Variants in SPOPL observed in about 807,000 individuals in gnomAD.
SPOPL encodes speckle-type POZ protein-like.
In SPOPL, 23 loss-of-function variants were observed where a neutral mutation model predicts 53.8. The ratio of observed to expected loss-of-function variants is 0.43; its 90% CI spans 0.31 to 0.61. SPOPL has a LOEUF of 0.61. Ranked by LOEUF, SPOPL falls within the 20% of genes least tolerant of loss-of-function variation. SPOPL has a pLI of 0.12. For synonymous variants in SPOPL, 164 were observed against 149.7 expected, an observed-to-expected ratio of 1.10 and a Z score of -0.70; for missense variants, 442 against 466.9, an observed-to-expected ratio of 0.95 and a Z score of 0.49.
chr2:138,550,215 T>A lies in SPOPL; in HGVS notation c.-2T>A. On this transcript the variant is annotated 5_prime_UTR_variant, in exon 2 of 11. Coordinates refer to ENST00000280098, the MANE Select transcript of SPOPL (RefSeq NM_001001664.3). ...ATCCTGAAAGACTACAATAAAGTGG[T>A]GATGTCTCGGGAACCCACCCCACCT... is the stretch of plus-strand genomic sequence containing the variant. 6.2e-7 allele frequency: 1 copy of A among 1,613,374 alleles called. No individual in the cohort carries two copies. Among genetic ancestry groups the A allele is most frequent in the Non-Finnish European group, 8.5e-7 (1 of 1,179,534 alleles).
intron 5 of SPOPL, among the ~76,000 whole-genome samples, chr2:138,554,135 G>C (rs922034598): frequency 6.9e-6 from 1 of 144,330 alleles, no homozygotes; most frequent in Non-Finnish European, 1.5e-5. Context: ...CACTGTGCTG[G>C]AACCTAGACA....
intron 5 of SPOPL, among the ~76,000 whole-genome samples, chr2:138,557,432 T>C (rs539156794): frequency 1.3e-5 from 2 of 152,364 alleles, no homozygotes; most frequent in East Asian, 1.9e-4. Context: ...ACATGAGATA[T>C]ATGTTTGTAT....
Position 138,552,549 on chromosome 2 carries a change from A to G in SPOPL, c.353-5A>G. ...TTATTTAAACTCTATTCTGTTTTCC[A>G]CCAGAAAGCCAAAGAGCATATCGAT... On this transcript the variant is annotated splice_region_variant and splice_polypyrimidine_tract_variant and intron_variant, in intron 4 of 10. Coordinates refer to ENST00000280098, the MANE Select transcript of SPOPL (RefSeq NM_001001664.3). 6.2e-7 allele frequency: 1 copy of G among 1,602,374 alleles called. No individual in the cohort carries two copies. The highest frequency in any genetic ancestry group is 8.5e-7 in the Non-Finnish European group (1 of 1,176,478).
At chr2:138,542,528 G>C (rs1478128418) in intron 1 of SPOPL, among the ~76,000 whole-genome samples, 1 of 152,098 alleles carries the variant, frequency 6.6e-6, no homozygotes, top group Admixed American at 6.5e-5. Context: ...TTGGTTTAAA[G>C]TCTGTTTTAT....
At chr2:138,559,613 C>G (rs1388306969) in intron 7 of SPOPL, among the ~76,000 whole-genome samples, 1 of 152,150 alleles carries the variant, frequency 6.6e-6, no homozygotes, top group East Asian at 1.9e-4. Context: ...AAGGACTATT[C>G]TGGTCCATAG....
At chr2:138,522,956 C>T (rs1008031247) in intron 1 of SPOPL, among the ~76,000 whole-genome samples, 38 of 152,180 alleles carry the variant, frequency 2.5e-4, no homozygotes, top group Non-Finnish European at 2.5e-4. Context: ...GAGTGTTGTG[C>T]TAGGCTTTGC....
chr2:138,514,650 C>A (rs1463458214), intron 1 of SPOPL, among the ~76,000 whole-genome samples: 1 of 152,126 alleles, frequency 6.6e-6, no homozygotes, highest in East Asian at 1.9e-4. Context: ...AATAGAGTCC[C>A]TGTAAAATAT....
At chr2:138,523,538 T>A (rs1246490296) in intron 1 of SPOPL, among the ~76,000 whole-genome samples, 1 of 152,084 alleles carries the variant, frequency 6.6e-6, no homozygotes, top group African/African-American at 2.4e-5. Flanking sequence ...CAGTCCAAAG[T>A]CTTATCTGAG....
chr2:138,513,926 G>A (rs1258670706), intron 1 of SPOPL, among the ~76,000 whole-genome samples: 1 of 152,104 alleles, frequency 6.6e-6, no homozygotes, highest in African/African-American at 2.4e-5. Flanking sequence ...ACACTTCAGG[G>A]CATCAAGGGG....
chr2:138,560,796 C>T lies in SPOPL; in HGVS notation c.715-9C>T, dbSNP rs750101442. The T allele has an allele frequency of 1.2e-4, 184 of 1,528,986 alleles. No homozygotes were observed. In the Middle Eastern group the frequency reaches 1.2e-3, roughly 10 times the overall value. 94.7% of individuals were successfully genotyped at this position (1,528,986 alleles called of 1,614,324 possible). ...TTTTTAACATTTTTGTGTTGTTTTT[C>T]GATATCAGAATCGAGTGGAAATAAA... is the stretch of plus-strand genomic sequence containing the variant. On this transcript the variant is annotated splice_polypyrimidine_tract_variant and intron_variant, in intron 7 of 10. Transcript: ENST00000280098.
chr2:138,524,905 T>C (rs947137479), intron 1 of SPOPL, among the ~76,000 whole-genome samples: 6 of 152,014 alleles, frequency 3.9e-5, no homozygotes, highest in Non-Finnish European at 8.8e-5. Context: ...TCTCTGCCTG[T>C]TACCCAGTTC....
At chr2:138,524,112 T>C (rs182902911) in intron 1 of SPOPL, among the ~76,000 whole-genome samples, 1 of 152,332 alleles carries the variant, frequency 6.6e-6, no homozygotes, top group East Asian at 1.9e-4. Flanking sequence ...TCTTCTGAAA[T>C]CTAAGCAGAG....
intron 1 of SPOPL, among the ~76,000 whole-genome samples, chr2:138,536,337 G>GC (rs74611889): frequency 5.4e-4 from 53 of 98,598 alleles, no homozygotes; most frequent in African/African-American, 1.7e-3. Flanking sequence ...TCTATTTAGT[G>GC]CCCCCCCCCC....
At chr2:138,514,758 G>T (rs760563606) in intron 1 of SPOPL, among the ~76,000 whole-genome samples, 1 of 152,090 alleles carries the variant, frequency 6.6e-6, no homozygotes, top group Non-Finnish European at 1.5e-5. Context: ...TGTGTGCCTT[G>T]TTCAGTTTTA....
chr2:138,507,451 T>C (rs1178405315), intron 1 of SPOPL, among the ~76,000 whole-genome samples: 1 of 152,238 alleles, frequency 6.6e-6, no homozygotes, highest in Non-Finnish European at 1.5e-5. Flanking sequence ...TGATTAGTGC[T>C]GTCGTGGCAG....
chr2:138,566,358 A>T (rs571820013), intron 10 of SPOPL, among the ~76,000 whole-genome samples: 1 of 152,304 alleles, frequency 6.6e-6, no homozygotes, highest in South Asian at 2.1e-4. Context: ...GTTTTACTCT[A>T]AGGAAATACT....
At chr2:138,506,763 C>T (rs776160989) in intron 1 of SPOPL, among the ~76,000 whole-genome samples, 30 of 152,048 alleles carry the variant, frequency 2.0e-4, no homozygotes, top group Non-Finnish European at 4.1e-4. Context: ...ATGTATAGGT[C>T]TGGAGCTCAG....
At chr2:138,555,850 A>G (rs1685413552) in intron 5 of SPOPL, among the ~76,000 whole-genome samples, 1 of 151,980 alleles carries the variant, frequency 6.6e-6, no homozygotes, top group South Asian at 2.1e-4. Flanking sequence ...TTGCTTTGCA[A>G]CATTTAACAA....
intron 1 of SPOPL, among the ~76,000 whole-genome samples, chr2:138,528,363 C>G (rs1219377342): frequency 1.3e-5 from 2 of 152,204 alleles, no homozygotes; most frequent in African/African-American, 4.8e-5. Flanking sequence ...TTACAGTACC[C>G]TGGATTGTGA....
Sources: allele counts gnomAD v4.1 joint callset (sites outside exome capture counted in the v4.1 genomes callset), GRCh38; gene constraint gnomAD v4.1.1; transcripts MANE v1.5; gene names NCBI Gene and HGNC (gene_info 2026-07-23, HGNC 2026-07-21).